Variants in INPP4B observed in about 807,000 individuals in gnomAD.
The protein encoded by INPP4B is inositol polyphosphate 4-phosphatase type II.
INPP4B carries 55 observed loss-of-function variants against 122.5 expected under a neutral mutation model. That is an observed-to-expected ratio of 0.45 (90% CI 0.36 to 0.56). The LOEUF is 0.56. Among genes scored for constraint, INPP4B ranks in the 20% least tolerant of loss-of-function variants. The probability of loss-of-function intolerance (pLI) is 0.00; values close to 1 mark genes in which losing one functional copy is unlikely to be tolerated. For synonymous variants in INPP4B, 403 were observed against 388.7 expected, an observed-to-expected ratio of 1.04 and a Z score of -0.43; for missense variants, 1,000 against 1,097.7, an observed-to-expected ratio of 0.91 and a Z score of 1.26.
In INPP4B at chr4:142,522,856, T is replaced by G. The variant is rs1826282480; in HGVS notation, c.-190-60130A>C. Among the ~76,000 whole-genome samples, 3 of 152,144 alleles carry G rather than the reference T, an allele frequency of 2.0e-5. No individual in the cohort carries two copies. The South Asian group carries it at 6.2e-4, about 31-fold the overall frequency. ...TAATACAACTTATCTAATAGTATTATTTAACAAGCTACTATATTTTAAAGT... is the reference window on the plus strand; with the variant it reads ...TAATACAACTTATCTAATAGTATTAGTTAACAAGCTACTATATTTTAAAGT... On this transcript the variant is annotated intron_variant, in intron 2 of 25. Coordinates refer to ENST00000262992, the MANE Select transcript of INPP4B (RefSeq NM_001101669.3).
chr4:142,835,267 C>T (rs73850581), intron 1 of INPP4B, among the ~76,000 whole-genome samples: 2,543 of 152,236 alleles, frequency 0.017, 66 homozygotes, highest in African/African-American at 0.058. Context: ...CTTCCTGAGA[C>T]AGCACTAGGA....
chr4:142,216,620 C>T (rs1446506587), intron 12 of INPP4B, among the ~76,000 whole-genome samples: 1 of 152,110 alleles, frequency 6.6e-6, no homozygotes, highest in Non-Finnish European at 1.5e-5. Flanking sequence ...ATCGTTTTGT[C>T]TTACTGTGTT....
At chr4:142,793,779 G>C (rs931469544) in intron 1 of INPP4B, among the ~76,000 whole-genome samples, 3 of 151,616 alleles carry the variant, frequency 2.0e-5, no homozygotes, top group African/African-American at 7.3e-5. Context: ...CAAGGAGTCA[G>C]AAAATGTAAT....
At chr4:142,078,398 T>C (rs911833425) in intron 25 of INPP4B, among the ~76,000 whole-genome samples, 1 of 152,082 alleles carries the variant, frequency 6.6e-6, no homozygotes, top group African/African-American at 2.4e-5. Context: ...AAAATGCTTA[T>C]GTATGCACAA....
chr4:142,078,313 ACT>A (rs1771951271), intron 25 of INPP4B, among the ~76,000 whole-genome samples: 1 of 151,924 alleles, frequency 6.6e-6, no homozygotes, highest in South Asian at 2.1e-4. Context: ...GAATAATAAG[ACT>A]CTTACTTTCA....
chr4:142,661,989 G>T lies in INPP4B; in HGVS notation c.-191+63850C>A, dbSNP rs940526583. 1.6e-4 allele frequency among the ~76,000 whole-genome samples: 25 copies of T among 151,998 alleles called. No homozygotes were observed. In the South Asian group the frequency reaches 2.5e-3, roughly 15 times the overall value. ...TGGCTCACGCCTGTAATCCCAGCAC[G>T]TTGGGAGGCCAAGGCAGGCAGATCA... On this transcript the variant is annotated intron_variant, in intron 2 of 25. Coordinates refer to ENST00000262992, the MANE Select transcript of INPP4B (RefSeq NM_001101669.3).
intron 2 of INPP4B, among the ~76,000 whole-genome samples, chr4:142,492,115 G>A (rs926049446): frequency 1.3e-5 from 2 of 152,030 alleles, no homozygotes; most frequent in African/African-American, 2.4e-5. Context: ...CCCTTTGCTT[G>A]GCACTTCTCC....
At chr4:142,600,313 G>A (rs1739632167) in intron 2 of INPP4B, among the ~76,000 whole-genome samples, 1 of 152,134 alleles carries the variant, frequency 6.6e-6, no homozygotes, top group Admixed American at 6.5e-5. Context: ...GAGAGAATGG[G>A]AGGATATATT....
intron 12 of INPP4B, among the ~76,000 whole-genome samples, chr4:142,225,239 A>G (rs1851025920): frequency 1.3e-5 from 2 of 152,044 alleles, no homozygotes; most frequent in Non-Finnish European, 2.9e-5. Context: ...TCAGACTTCA[A>G]TTTCTTTGGC....
intron 2 of INPP4B, among the ~76,000 whole-genome samples, chr4:142,468,626 A>T (rs755745659): frequency 3.3e-5 from 5 of 152,132 alleles, no homozygotes; most frequent in Non-Finnish European, 5.9e-5. Context: ...ATTCTTAAAA[A>T]GAACCTGGAA....
chr4:142,227,369 C>A (rs1036555285), intron 12 of INPP4B, among the ~76,000 whole-genome samples: 1 of 152,024 alleles, frequency 6.6e-6, no homozygotes, highest in African/African-American at 2.4e-5. Context: ...GGAGTGCACA[C>A]TGGATTTAAT....
At chr4:142,756,231 A>G (rs1172406818) in intron 1 of INPP4B, among the ~76,000 whole-genome samples, 3 of 152,084 alleles carry the variant, frequency 2.0e-5, no homozygotes, top group Non-Finnish European at 2.9e-5. Flanking sequence ...CCATTTTGGG[A>G]CCATGAAGGA....
chr4:142,798,375 A>G (rs1777552574), intron 1 of INPP4B, among the ~76,000 whole-genome samples: 2 of 151,918 alleles, frequency 1.3e-5, no homozygotes, highest in Admixed American at 1.3e-4. Context: ...CATCATCTTT[A>G]GCATTTACTT....
chr4:142,609,033 T>C (rs1266414294), intron 2 of INPP4B, among the ~76,000 whole-genome samples: 1 of 152,168 alleles, frequency 6.6e-6, no homozygotes, highest in Non-Finnish European at 1.5e-5. Flanking sequence ...TCTCGCTACA[T>C]GAAGTGCCTT....
At chr4:142,290,776 G>A (rs918532793) in intron 9 of INPP4B, among the ~76,000 whole-genome samples, 2 of 152,078 alleles carry the variant, frequency 1.3e-5, no homozygotes, top group African/African-American at 2.4e-5. Flanking sequence ...CCATAGATGG[G>A]GGACGTGGTA....
At chr4:142,332,758 A>G (rs984720987) in intron 7 of INPP4B, among the ~76,000 whole-genome samples, 4 of 151,534 alleles carry the variant, frequency 2.6e-5, no homozygotes, top group Non-Finnish European at 5.9e-5. Flanking sequence ...TAATCCCAGC[A>G]CTTTGGGAGG....
Position 142,202,849 on chromosome 4 carries a change from G to T in INPP4B, c.1072+5576C>A. The T allele has an allele frequency of 3.7e-6, 3 of 815,888 alleles. No individual in the cohort carries two copies. The South Asian group carries it at 1.7e-4, about 46-fold the overall frequency. The allele number at this position is 815,888 out of a possible 1,614,324, so 50.5% of individuals were successfully genotyped here. On this transcript the variant is annotated intron_variant, in intron 14 of 25. Transcript: ENST00000262992. Reference sequence around the variant, plus strand: ...TTTCACTCATGCAAACTAAGGGCAAGCCCATTCATTCCCTGTGGGCTCAAA... The same window carrying T: ...TTTCACTCATGCAAACTAAGGGCAATCCCATTCATTCCCTGTGGGCTCAAA...
At chr4:142,118,865 G>A (rs990459695) in intron 21 of INPP4B, among the ~76,000 whole-genome samples, 7 of 152,148 alleles carry the variant, frequency 4.6e-5, no homozygotes, top group East Asian at 3.9e-4. Context: ...GCAACCTACA[G>A]AATTGGAGAA....
chr4:142,640,486 AT>A (rs1286082401), intron 2 of INPP4B, among the ~76,000 whole-genome samples: 6 of 152,140 alleles, frequency 3.9e-5, no homozygotes, highest in Non-Finnish European at 5.9e-5. Flanking sequence ...GATATAAAAA[AT>A]ATCTAAATAT....
Sources: gnomAD v4.1 joint callset for allele counts (sites outside exome capture counted in the v4.1 genomes callset) on GRCh38, gnomAD v4.1.1 for gene constraint, MANE v1.5 for transcripts, NCBI Gene and HGNC (gene_info 2026-07-23, HGNC 2026-07-21) for gene names.